The following NRG1 variants were observed in gnomAD, a reference collection of about 807,000 sequenced individuals.
The protein encoded by NRG1 is neuregulin 1, also known as pro-neuregulin-1, membrane-bound isoform.
A neutral mutation model predicts 63.8 loss-of-function variants in NRG1; 18 were observed. That is an observed-to-expected ratio of 0.28 (90% CI 0.19 to 0.42). The LOEUF (loss-of-function observed/expected upper bound fraction) is 0.42, where lower values mean the gene tolerates loss of function less well. NRG1 is among the 10% of genes least tolerant of loss of function. NRG1 has a pLI of 1.00. For synonymous variants in NRG1, 302 were observed against 301.3 expected (o/e 1.00, Z -0.02); for missense variants, 762 against 814.7 (o/e 0.94, Z 0.79).
At chr8:32,178,935 T>C (rs1841113423) in intron 1 of NRG1, among the ~76,000 whole-genome samples, 1 of 151,828 alleles carries the variant, frequency 6.6e-6, no homozygotes, top group Non-Finnish European at 1.5e-5. Flanking sequence ...CTGATGGACA[T>C]AAGAAAGCAA....
chr8:31,658,539 T>A (rs1304237773), intron 1 of NRG1, among the ~76,000 whole-genome samples: 1 of 152,156 alleles, frequency 6.6e-6, no homozygotes. Flanking sequence ...CATGGCTCAC[T>A]ACAAACTCTA....
At chr8:32,103,640 C>T (rs780584648) in intron 1 of NRG1, among the ~76,000 whole-genome samples, 7 of 152,180 alleles carry the variant, frequency 4.6e-5, no homozygotes, top group Non-Finnish European at 8.8e-5. Flanking sequence ...TACTCATTTA[C>T]ATTCCTAGTG....
At chr8:31,852,516 G>A (rs1434693036) in intron 1 of NRG1, among the ~76,000 whole-genome samples, 4 of 152,016 alleles carry the variant, frequency 2.6e-5, no homozygotes, top group African/African-American at 9.7e-5. Context: ...TTAGCCCTAT[G>A]TCAGATGAGT....
At chr8:31,639,583 C>T (rs185736213) in intron 1 of NRG1, among the ~76,000 whole-genome samples, 1 of 152,202 alleles carries the variant, frequency 6.6e-6, no homozygotes, top group East Asian at 1.9e-4. Context: ...TCACTTCACA[C>T]AAAGGACTGT....
At chr8:31,648,192 G>A (rs1421629460) in intron 1 of NRG1, among the ~76,000 whole-genome samples, 1 of 131,808 alleles carries the variant, frequency 7.6e-6, no homozygotes, top group African/African-American at 2.9e-5. Context: ...GGAGTGCTGT[G>A]GCGCGATCTC....
chr8:31,986,679 T>C (rs1266000857), intron 1 of NRG1, among the ~76,000 whole-genome samples: 1 of 152,140 alleles, frequency 6.6e-6, no homozygotes, highest in African/African-American at 2.4e-5. Flanking sequence ...ATTGGCCAGC[T>C]ATTAATATCA....
chr8:32,363,706 T>C (rs1235863561), intron 1 of NRG1, among the ~76,000 whole-genome samples: 1 of 152,142 alleles, frequency 6.6e-6, no homozygotes, highest in African/African-American at 2.4e-5. Flanking sequence ...AAAAGTTATC[T>C]CTGTTTTTTT....
At chr8:31,812,602 A>G (rs1226479835) in intron 1 of NRG1, among the ~76,000 whole-genome samples, 5 of 129,642 alleles carry the variant, frequency 3.9e-5, no homozygotes, top group Non-Finnish European at 8.3e-5. Flanking sequence ...TTCCTTTTTT[A>G]TCTCCTCTCC....
At chr8:32,728,063 C>T (rs765324170) in exon 6 of NRG1, 22 of 1,613,872 alleles carry the variant, frequency 1.4e-5, no homozygotes, top group Admixed American at 8.3e-5. Context: ...TCAAACCCCT[C>T]GAGATACTTG....
At position 32,528,397 on chromosome 8, in the gene NRG1, G is replaced by C. The variant is rs114242597; in HGVS notation, c.38-67431G>C. ...TGTTGGATATGTGCACCAGTTGTTG[G>C]ACAGGATTGAACTTGCGAGGTCAGC... is the stretch of plus-strand genomic sequence containing the variant. On this transcript the variant is annotated intron_variant, in intron 1 of 10. Coordinates refer to the NRG1 transcript ENST00000519301. Among the ~76,000 whole-genome samples, 1,009 of 152,294 alleles carry C rather than the reference G, an allele frequency of 6.6e-3. 5 individuals carry two copies. Among genetic ancestry groups the C allele is most frequent in the African/African-American group, 0.022 (927 of 41,538 alleles).
intron 1 of NRG1, among the ~76,000 whole-genome samples, chr8:31,652,345 C>T (rs913913877): frequency 9.2e-5 from 14 of 152,216 alleles, no homozygotes; most frequent in Non-Finnish European, 2.1e-4. Flanking sequence ...TTCTTTCCTT[C>T]TCACATCCAT....
At chr8:32,697,840 AG>A (rs1813757238) in intron 5 of NRG1, among the ~76,000 whole-genome samples, 1 of 152,214 alleles carries the variant, frequency 6.6e-6, no homozygotes, top group Non-Finnish European at 1.5e-5. Context: ...AGACTTATTA[AG>A]AATTAGAAAA....
chr8:32,130,142 G>A (rs191686617), intron 1 of NRG1, among the ~76,000 whole-genome samples: 6 of 151,800 alleles, frequency 4.0e-5, no homozygotes, highest in Non-Finnish European at 7.4e-5. Flanking sequence ...CATTCCTTTC[G>A]TTATCACTCT....
At chr8:32,614,557 G>A (rs773424245) in exon 4 of NRG1, 1 of 1,611,536 alleles carries the variant, frequency 6.2e-7, no homozygotes, top group South Asian at 1.1e-5. Context: ...GAGCATATGT[G>A]TCTTCAGGTA....
intron 1 of NRG1, among the ~76,000 whole-genome samples, chr8:32,367,021 C>G (rs1329007065): frequency 3.9e-5 from 6 of 151,980 alleles, no homozygotes; most frequent in African/African-American, 1.4e-4. Flanking sequence ...CTCACATTTT[C>G]TTTATCCATT....
rs1362626661 is a variant in NRG1, at chr8:31,719,758, CAT to C, written c.37+80328_37+80329del. 9.9e-5 allele frequency among the ~76,000 whole-genome samples: 15 copies of C among 152,178 alleles called. 1 individual carries two copies. The highest frequency in any genetic ancestry group is 2.6e-4 in the African/African-American group (11 of 41,532). On this transcript the variant is annotated intron_variant, in intron 1 of 10. Coordinates refer to the NRG1 transcript ENST00000519301. ...GAGGATGAGCCATAGTCATGCATGA[CAT>C]GTGTCAAGATAAGAAATGGAAATTT...
At chr8:32,362,668 G>A (rs1308741226) in intron 1 of NRG1, among the ~76,000 whole-genome samples, 1 of 152,102 alleles carries the variant, frequency 6.6e-6, no homozygotes, top group Non-Finnish European at 1.5e-5. Flanking sequence ...CTCTTCTCAG[G>A]AAGAGTAGAA....
intron 1 of NRG1, among the ~76,000 whole-genome samples, chr8:32,427,758 T>C (rs572250393): frequency 2.6e-5 from 4 of 152,268 alleles, no homozygotes; most frequent in African/African-American, 9.6e-5. Context: ...TGCGACAGGA[T>C]AAGCTCTCTT....
chr8:32,525,481 A>G (rs1313651354), intron 1 of NRG1, among the ~76,000 whole-genome samples: 1 of 151,960 alleles, frequency 6.6e-6, no homozygotes, highest in African/African-American at 2.4e-5. Flanking sequence ...AGATAGGAAG[A>G]TAGAAGTCAT....
Sources: allele counts gnomAD v4.1 joint callset (sites outside exome capture counted in the v4.1 genomes callset), GRCh38; gene constraint gnomAD v4.1.1; transcripts MANE v1.5; gene names NCBI Gene and HGNC (gene_info 2026-07-23, HGNC 2026-07-21).